The following FARS2 variants were observed in gnomAD, a reference collection of about 807,000 sequenced individuals.
The protein encoded by FARS2 is phenylalanyl-tRNA synthetase 2, mitochondrial.
In FARS2, 40 loss-of-function variants were observed where a neutral mutation model predicts 46.4. The ratio of observed to expected loss-of-function variants is 0.86; its 90% CI spans 0.67 to 1.12. The LOEUF (loss-of-function observed/expected upper bound fraction) is 1.12. Among genes scored for constraint, FARS2 ranks in the 50% most tolerant of loss-of-function variants. FARS2 has a pLI of 0.00. For missense variants in FARS2, 513 were observed against 567.9 expected (o/e 0.90, Z 0.98); for synonymous variants, 234 against 214.9 (o/e 1.09, Z -0.78).
At chr6:5,291,373 A>G (rs1767493012) in intron 1 of FARS2, 1 of 152,220 alleles carries the variant, frequency 6.6e-6, no homozygotes, top group Admixed American at 6.5e-5. Context: ...TGCTGCTAAA[A>G]ACAGTTCTCT....
At chr6:5,396,935 T>A (rs147057830) in intron 2 of FARS2, among the ~76,000 whole-genome samples, 17 of 152,176 alleles carry the variant, frequency 1.1e-4, no homozygotes, top group African/African-American at 3.4e-4. Context: ...TGATTTGATA[T>A]CATCCAGCCT....
chr6:5,619,459 G>A (rs1775650319), intron 6 of FARS2, among the ~76,000 whole-genome samples: 1 of 152,096 alleles, frequency 6.6e-6, no homozygotes, highest in Non-Finnish European at 1.5e-5. Context: ...TCGCAGATGG[G>A]GCTTCCTGAG....
intron 3 of FARS2, among the ~76,000 whole-genome samples, chr6:5,421,513 G>T (rs1340614528): frequency 1.3e-5 from 2 of 152,052 alleles, no homozygotes; most frequent in Non-Finnish European, 2.9e-5. Context: ...CTTTTCTATC[G>T]CATTGTCAGC....
At chr6:5,485,952 G>A (rs149021197) in intron 4 of FARS2, among the ~76,000 whole-genome samples, 5 of 152,306 alleles carry the variant, frequency 3.3e-5, no homozygotes, top group Non-Finnish European at 7.4e-5. Flanking sequence ...AGGAAGTTCC[G>A]TCGGGCAGCC....
intron 6 of FARS2, among the ~76,000 whole-genome samples, chr6:5,614,009 A>T (rs1419587716): frequency 6.6e-6 from 1 of 152,120 alleles, no homozygotes; most frequent in African/African-American, 2.4e-5. Flanking sequence ...GGCACATGAG[A>T]TGCAGAAGGC....
chr6:5,546,773 C>T (rs1771051575), intron 5 of FARS2, among the ~76,000 whole-genome samples: 1 of 151,430 alleles, frequency 6.6e-6, no homozygotes, highest in Non-Finnish European at 1.5e-5. Context: ...CCATTAAGCC[C>T]ATCCAGTGAA....
intron 2 of FARS2, among the ~76,000 whole-genome samples, chr6:5,401,293 A>G (rs1761240059): frequency 6.6e-6 from 1 of 152,096 alleles, no homozygotes; most frequent in African/African-American, 2.4e-5. Flanking sequence ...GTTGCTCTTT[A>G]GAAAGGTTAT....
intron 5 of FARS2, chr6:5,609,689 C>T (rs1205519860): frequency 3.7e-6 from 5 of 1,351,760 alleles, no homozygotes; most frequent in Non-Finnish European, 5.2e-6. Context: ...CACAGGATGG[C>T]ATTTCTGAAT....
chr6:5,471,887 G>T lies in FARS2; in HGVS notation c.904+40715G>T, dbSNP rs548125332. Among the ~76,000 whole-genome samples, 1 of 152,158 alleles carries T rather than the reference G, an allele frequency of 6.6e-6. No individual in the cohort carries two copies. The highest frequency in any genetic ancestry group is 1.5e-5 in the Non-Finnish European group (1 of 68,038). Reference sequence around the variant, plus strand: ...CGTACTGGTGGTTGCCATGGAGATCGCTAATACTGCTGAAACCCAAAGAAA... The same window carrying T: ...CGTACTGGTGGTTGCCATGGAGATCTCTAATACTGCTGAAACCCAAAGAAA... On this transcript the variant is annotated intron_variant, in intron 4 of 6. Transcript: ENST00000274680. This position sits in a 1 kb window ranked among gnomAD's most constrained non-coding sequence, Gnocchi z 4.1.
chr6:5,264,930 C>T (rs1424753877), intron 1 of FARS2, among the ~76,000 whole-genome samples: 1 of 151,560 alleles, frequency 6.6e-6, no homozygotes, highest in African/African-American at 2.4e-5. Context: ...AGTAGCTAGG[C>T]CTATAGGCTC....
rs143477626 is a variant in FARS2 at position 5,473,942 on chromosome 6, T to G, written c.904+42770T>G. On this transcript the variant is annotated intron_variant, in intron 4 of 6. Transcript: ENST00000274680. ...TCCCTAGCTGCTGATATCACTGTGT[T>G]TTTAGAACACCACTCCAGAAACCCA... Among the ~76,000 whole-genome samples the G allele has an allele frequency of 3.8e-3, 577 of 152,272 alleles. 5 individuals are homozygous for G. Among genetic ancestry groups the G allele is most frequent in the African/African-American group, 0.014 (563 of 41,542 alleles).
intron 6 of FARS2, among the ~76,000 whole-genome samples, chr6:5,654,689 G>A (rs1274111203): frequency 6.6e-6 from 1 of 152,074 alleles, no homozygotes; most frequent in African/African-American, 2.4e-5. Context: ...GAGACCCCTC[G>A]GTGGGAGGTT....
chr6:5,643,551 G>C (rs967937193), intron 6 of FARS2, among the ~76,000 whole-genome samples: 1 of 152,192 alleles, frequency 6.6e-6, no homozygotes, highest in East Asian at 1.9e-4. Flanking sequence ...GGTGGTATTA[G>C]CAGCCACGTT....
intron 5 of FARS2, among the ~76,000 whole-genome samples, chr6:5,559,948 T>A (rs1771892797): frequency 6.6e-6 from 1 of 151,990 alleles, no homozygotes; most frequent in South Asian, 2.1e-4. Flanking sequence ...GGAAAAAAAA[T>A]GAAACTTGAC....
chr6:5,320,331 G>A (rs986286133), intron 1 of FARS2, among the ~76,000 whole-genome samples: 1 of 152,208 alleles, frequency 6.6e-6, no homozygotes, highest in Non-Finnish European at 1.5e-5. Context: ...AGGGGCTGCA[G>A]AAGTATTAAT....
chr6:5,503,372 TA>T (rs1174660592), intron 4 of FARS2, among the ~76,000 whole-genome samples: 7 of 86,230 alleles, frequency 8.1e-5, no homozygotes, highest in South Asian at 4.0e-4. Context: ...TAGGTATTCT[TA>T]ACACACACAC....
At chr6:5,739,060 A>G (rs775600313) in intron 6 of FARS2, among the ~76,000 whole-genome samples, 4 of 152,066 alleles carry the variant, frequency 2.6e-5, no homozygotes, top group East Asian at 1.9e-4. Flanking sequence ...GCACCTACTA[A>G]TCTGTTTTCC....
intron 6 of FARS2, chr6:5,694,827 A>AC (rs1757991374): frequency 1.0e-4 from 10 of 96,550 alleles, no homozygotes; most frequent in Non-Finnish European, 2.1e-4. Flanking sequence ...CATAGTGAGA[A>AC]CCCCCCACAC....
At chr6:5,540,597 G>T (rs1340252234) in intron 4 of FARS2, among the ~76,000 whole-genome samples, 2 of 152,224 alleles carry the variant, frequency 1.3e-5, no homozygotes, top group African/African-American at 4.8e-5. Context: ...GGAAGCACAT[G>T]TTCTTCTCAT....
Sources: gnomAD v4.1 joint callset for allele counts (sites outside exome capture counted in the v4.1 genomes callset) on GRCh38, gnomAD v4.1.1 for gene constraint, Gnocchi (gnomAD v3.1) non-coding constraint, MANE v1.5 for transcripts, NCBI Gene and HGNC (gene_info 2026-07-23, HGNC 2026-07-21) for gene names.